Variants in NDUFV1 observed in about 807,000 individuals in gnomAD.
The protein encoded by NDUFV1 is NADH:ubiquinone oxidoreductase core subunit V1, also known as NADH dehydrogenase [ubiquinone] flavoprotein 1, mitochondrial.
NDUFV1 carries 41 observed loss-of-function variants against 48.7 expected under a neutral mutation model. The observed-to-expected ratio is 0.84, with a 90% CI of 0.66 to 1.09. The LOEUF (loss-of-function observed/expected upper bound fraction) is 1.09. Ranked by LOEUF, NDUFV1 falls within the 50% of genes least tolerant of loss-of-function variation. The probability of loss-of-function intolerance (pLI) is 0.00; values close to 1 mark genes in which losing one functional copy is unlikely to be tolerated. For synonymous variants in NDUFV1, 231 were observed against 259.1 expected (o/e 0.89, Z 1.04); for missense variants, 580 against 645.4 (o/e 0.90, Z 1.10).
intron 5 of NDUFV1, 111 bp from the exon 6 acceptor site, chr11:67,610,884 A>G (rs1854900910): frequency 9.7e-7 from 1 of 1,029,972 alleles, no homozygotes; most frequent in Non-Finnish European, 1.5e-6. Context: ...TGATAAGGGG[A>G]TATTAGAGCA....
rs747484425 is a variant in NDUFV1 at position 67,611,091 on chromosome 11, G to A, written c.797G>A (p.Gly266Asp). The A allele has an allele frequency of 1.9e-6, 3 of 1,614,226 alleles. No individual in the cohort carries two copies. The East Asian group carries it at 6.7e-5, about 36-fold the overall frequency. ...RRGGTWFAGF[G>D]RERNSGTKLF... ...GGAGGTACCTGGTTTGCTGGCTTTG[G>A]CAGAGAACGCAACTCAGGCACCAAA... is the stretch of plus-strand genomic sequence containing the variant. Residue 266 changes from glycine (G) to aspartate (D), a missense_variant, in exon 6 of 10, where the codon GGC becomes GAC. Coordinates refer to ENST00000322776, the MANE Select transcript of NDUFV1 (RefSeq NM_007103.4). This position sits in a 1 kb window ranked among gnomAD's most constrained non-coding sequence, Gnocchi z 4.2.
intron 1 of NDUFV1, 97 bp downstream of exon 1, chr11:67,607,173 G>A: frequency 7.4e-7 from 1 of 1,347,740 alleles, no homozygotes; most frequent in East Asian, 2.5e-5. Flanking sequence ...GTGGCCTCTG[G>A]AGAGCCCTTC....
intron 4 of NDUFV1, 199 bp from the exon 5 acceptor site, chr11:67,610,181 CT>C: frequency 1.6e-6 from 1 of 611,238 alleles, no homozygotes; most frequent in Non-Finnish European, 2.9e-6. Flanking sequence ...AAGCAGCTTA[CT>C]TATGTGTTCC....
chr11:67,607,231 G>A, intron 1 of NDUFV1, 155 bp downstream of exon 1: 1 of 878,664 alleles, frequency 1.1e-6, no homozygotes, highest in African/African-American at 1.7e-5. Flanking sequence ...GTTGAAGTAG[G>A]GGAACGGGTC....
Position 67,610,528 on chromosome 11 carries a change from C to T in NDUFV1, c.658C>T (p.Gln220Ter). ...TALIESIEGK[Q>*]GKPRLKPPFP... ...GCTCATCGAGTCCATTGAGGGCAAG[C>T]AGGGCAAGCCCCGCCTGAAGCCCCC... The change falls in exon 5 of 10, where the codon CAG becomes TAG. Residue 220 changes from glutamine to a stop codon, truncating the protein, a stop_gained. Coordinates refer to ENST00000322776, the MANE Select transcript of NDUFV1 (RefSeq NM_007103.4). LOFTEE classifies it high-confidence loss of function. The T allele has an allele frequency of 6.2e-7, 1 of 1,614,198 alleles. No individual in the cohort carries two copies. Among genetic ancestry groups the T allele is most frequent in the Non-Finnish European group, 8.5e-7 (1 of 1,180,022 alleles).
chr11:67,611,527 G>C lies in NDUFV1; in HGVS notation c.1038G>C (p.Gln346His). ...ACTTCGATGCGCTGGTGCAGGCACA[G>C]ACAGGCCTGGGCACAGCTGCGGTGA... ...LMDFDALVQA[Q>H]TGLGTAAVIV... The change falls in exon 7 of 10, where the codon CAG becomes CAC. Residue 346 changes from glutamine (Q) to histidine (H), a missense_variant. Physicochemically the swap from Gln to His is conservative, Grantham distance 24. Coordinates refer to ENST00000322776, the MANE Select transcript of NDUFV1 (RefSeq NM_007103.4). The surrounding 1 kb of genome is among the most constrained non-coding windows in gnomAD (Gnocchi z 4.2). 6.2e-7 allele frequency: 1 copy of C among 1,612,334 alleles called. No homozygotes were observed. Among genetic ancestry groups the C allele is most frequent in the East Asian group, 2.2e-5 (1 of 44,830 alleles).
At position 67,611,074 on chromosome 11, in the gene NDUFV1, C is replaced by T; in HGVS notation, c.780C>T (p.Thr260=). Residue 260 remains threonine, a synonymous_variant, in exon 6 of 10, where the codon ACC becomes ACT. Coordinates refer to ENST00000322776, the MANE Select transcript of NDUFV1 (RefSeq NM_007103.4). This position sits in a 1 kb window ranked among gnomAD's most constrained non-coding sequence, Gnocchi z 4.2. ...CCACAATCTGCCGCCGTGGAGGTAC[C>T]TGGTTTGCTGGCTTTGGCAGAGAAC... ...VSPTICRRGG[T]WFAGFGRERN... 1 of 1,614,260 alleles carries T rather than the reference C, an allele frequency of 6.2e-7. No homozygotes were observed. Among genetic ancestry groups the T allele is most frequent in the Non-Finnish European group, 8.5e-7 (1 of 1,180,052 alleles).
rs1319788887 is a variant in NDUFV1 at position 67,612,054 on chromosome 11, C to G, written c.1163-66C>G. On this transcript the variant is annotated intron_variant, in intron 8 of 9. Coordinates refer to ENST00000322776, the MANE Select transcript of NDUFV1 (RefSeq NM_007103.4). The surrounding 1 kb of genome is among the most constrained non-coding windows in gnomAD (Gnocchi z 4.4). ...CCTCCCCACCACGTGGCCTGCAGCC[C>G]TCAAGCGCCGCCCCACATCCTGGCT... The G allele has an allele frequency of 5.9e-5, 95 of 1,613,576 alleles. No homozygotes were observed. Among genetic ancestry groups the G allele is most frequent in the Non-Finnish European group, 7.6e-5 (90 of 1,179,984 alleles).
chr11:67,611,702 G>A lies in NDUFV1; in HGVS notation c.1080+133G>A, dbSNP rs1488586581. 3 of 1,434,704 alleles carry A rather than the reference G, an allele frequency of 2.1e-6. No individual in the cohort carries two copies. Among genetic ancestry groups the A allele is most frequent in the Admixed American group, 2.0e-5 (1 of 50,944 alleles). 88.9% of individuals were successfully genotyped at this position (1,434,704 alleles called of 1,614,324 possible). A position where few individuals can be genotyped will look rare whatever the true frequency, so the allele number is the denominator to read the frequency against. On this transcript the variant is annotated intron_variant, in intron 7 of 9. Transcript: ENST00000322776. This position sits in a 1 kb window ranked among gnomAD's most constrained non-coding sequence, Gnocchi z 4.2. The stretch of plus-strand genomic sequence containing the variant: ...CCTGAGATAAAGCAAGGTGGAAGAG[G>A]AGGGAGGAAGGCTGCTCTGAGGAGA...
intron 4 of NDUFV1, 163 bp downstream of exon 4, chr11:67,609,798 C>G: frequency 1.3e-6 from 1 of 763,676 alleles, no homozygotes; most frequent in South Asian, 1.8e-5. Flanking sequence ...ACTTGGCTCC[C>G]AAAGCCTCCT....
Position 67,608,536 on chromosome 11 carries a change from TC to T in NDUFV1, c.156-13del, listed in dbSNP as rs759086061. On this transcript the variant is annotated splice_polypyrimidine_tract_variant and intron_variant, in intron 2 of 9. Coordinates refer to ENST00000322776, the MANE Select transcript of NDUFV1 (RefSeq NM_007103.4). ...GAGCAAGGTGTCCCCTTCATTGCCTTCCCTATTCTGTCCAGGCTGAAAGGTT... is the reference window on the plus strand; with the variant it reads ...GAGCAAGGTGTCCCCTTCATTGCCTTCCTATTCTGTCCAGGCTGAAAGGTT... 1 of 1,614,156 alleles carries T rather than the reference TC, an allele frequency of 6.2e-7. No individual in the cohort carries two copies. Among genetic ancestry groups the T allele is most frequent in the Non-Finnish European group, 8.5e-7 (1 of 1,180,028 alleles).
At position 67,611,959 on chromosome 11, in the gene NDUFV1, G is replaced by T. The variant is rs200941212; in HGVS notation, c.1143G>T (p.Gln381His). Residue 381 changes from glutamine to histidine, a missense_variant, in exon 8 of 10, where the codon CAG becomes CAT. Physicochemically the swap from Gln to His is conservative, Grantham distance 24. Transcript: ENST00000322776. This position sits in a 1 kb window ranked among gnomAD's most constrained non-coding sequence, Gnocchi z 4.2. ...IEFYKHESCG[Q>H]CTPCREGVDW... ...TCTATAAGCACGAGAGCTGTGGCCAGTGTACCCCATGCCGTGAGGGTGAGC... is the reference window on the plus strand; with the variant it reads ...TCTATAAGCACGAGAGCTGTGGCCATTGTACCCCATGCCGTGAGGGTGAGC... 2 of 1,614,034 alleles carry T rather than the reference G, an allele frequency of 1.2e-6. No homozygotes were observed. The highest frequency in any genetic ancestry group is 3.3e-4 in the Middle Eastern group (2 of 6,062).
chr11:67,607,134 C>CCGTGCA, intron 1 of NDUFV1, 58 bp downstream of exon 1: 2 of 1,545,818 alleles, frequency 1.3e-6, no homozygotes, highest in Non-Finnish European at 1.7e-6. Context: ...GCGGCCGCGC[C>CCGTGCA]CGTGCACGAG....
Position 67,611,110 on chromosome 11 carries a change from C to T in NDUFV1, c.816C>T (p.Gly272=), listed in dbSNP as rs1334278588. The T allele has an allele frequency of 6.2e-7, 1 of 1,614,240 alleles. No individual in the cohort carries two copies. Among genetic ancestry groups the T allele is most frequent in the East Asian group, 2.2e-5 (1 of 44,888 alleles). ...GCTTTGGCAGAGAACGCAACTCAGG[C>T]ACCAAACTATTCAACATCTCTGGCC... The part of the protein sequence containing the change: ...FAGFGRERNS[G]TKLFNISGHV... The change falls in exon 6 of 10, where the codon GGC becomes GGT. Residue 272 remains glycine (G), a synonymous_variant. Coordinates refer to ENST00000322776, the MANE Select transcript of NDUFV1 (RefSeq NM_007103.4). The surrounding 1 kb of genome is among the most constrained non-coding windows in gnomAD (Gnocchi z 4.2).
At chr11:67,608,285 T>C (rs1466931714) in intron 1 of NDUFV1, 111 bp from the exon 2 acceptor site, 9 of 1,018,044 alleles carry the variant, frequency 8.8e-6, no homozygotes, top group Non-Finnish European at 1.4e-5. Flanking sequence ...GATGCTTCCC[T>C]AGCCCTAGCC....
At position 67,610,479 on chromosome 11, in the gene NDUFV1, C is replaced by G; in HGVS notation, c.609C>G (p.Ala203=). ...TGTTTGTGGTGCGCGGGGCTGGGGC[C>G]TACATCTGTGGAGAGGAGACAGCGC... is the stretch of plus-strand genomic sequence containing the variant. ...FDVFVVRGAG[A]YICGEETALI... is the part of the protein sequence containing the mutation. The change falls in exon 5 of 10, where the codon GCC becomes GCG. Residue 203 remains alanine, a synonymous_variant. Coordinates refer to ENST00000322776, the MANE Select transcript of NDUFV1 (RefSeq NM_007103.4). The G allele has an allele frequency of 6.2e-7, 1 of 1,614,186 alleles. No individual in the cohort carries two copies. The highest frequency in any genetic ancestry group is 8.5e-7 in the Non-Finnish European group (1 of 1,180,026).
chr11:67,611,049 C>T lies in NDUFV1; in HGVS notation c.755C>T (p.Pro252Leu), dbSNP rs764053153. 1.2e-6 allele frequency: 2 copies of T among 1,614,160 alleles called. No individual in the cohort carries two copies. The highest frequency in any genetic ancestry group is 1.7e-6 in the Non-Finnish European group (2 of 1,179,976). The change falls in exon 6 of 10, where the codon CCC (proline) becomes CTC (leucine). Residue 252 changes from proline (P) to leucine (L), a missense_variant. Physicochemically the swap from Pro to Leu is moderately conservative, Grantham distance 98 (BLOSUM62 -3). Transcript: ENST00000322776. The surrounding 1 kb of genome is among the most constrained non-coding windows in gnomAD (Gnocchi z 4.2). ...AACGTGGAGACAGTGGCAGTGTCCCCCACAATCTGCCGCCGTGGAGGTACC... is the reference window on the plus strand; with the variant it reads ...AACGTGGAGACAGTGGCAGTGTCCCTCACAATCTGCCGCCGTGGAGGTACC... ...VANVETVAVS[P>L]TICRRGGTWF...
At chr11:67,607,754 G>C (rs1240449710) in intron 1 of NDUFV1, 3 of 324,918 alleles carry the variant, frequency 9.2e-6, no homozygotes, top group Non-Finnish European at 1.8e-5. Context: ...GCCACCGACA[G>C]ACCTGGGCTC....
intron 5 of NDUFV1, 115 bp from the exon 6 acceptor site, chr11:67,610,880 G>C: frequency 9.9e-7 from 1 of 1,010,390 alleles, no homozygotes; most frequent in Non-Finnish European, 1.5e-6. Context: ...AGAATGATAA[G>C]GGGATATTAG....
Sources: gnomAD v4.1 joint callset for allele counts on GRCh38, gnomAD v4.1.1 for gene constraint, Gnocchi (gnomAD v3.1) non-coding constraint, MANE v1.5 for transcripts, NCBI Gene and HGNC (gene_info 2026-07-23, HGNC 2026-07-21) for gene names.